KLF7: variants seen among roughly 807,000 people sequenced by gnomAD.
KLF7 encodes the protein Krueppel-like factor 7.
In KLF7, 2 loss-of-function variants were observed where a neutral mutation model predicts 27.3. The observed-to-expected ratio is 0.07, with a 90% CI of 0.03 to 0.23. The LOEUF is 0.23. Ranked by LOEUF, KLF7 falls within the 10% of genes least tolerant of loss-of-function variation. The pLI, the probability that KLF7 is intolerant of heterozygous loss-of-function variation, is 1.00. For synonymous variants in KLF7, 165 were observed against 162.4 expected (o/e 1.02, Z -0.12); for missense variants, 221 against 394.1 (o/e 0.56, Z 3.72).
At chr2:207,105,168 C>T (rs1016704708) in intron 2 of KLF7, among the ~76,000 whole-genome samples, 2 of 152,168 alleles carry the variant, frequency 1.3e-5, no homozygotes, top group Non-Finnish European at 1.5e-5. Context: ...AAAATGGAAA[C>T]CCCGAAGGCC....
At chr2:207,097,441 C>G (rs1263675926) in intron 2 of KLF7, among the ~76,000 whole-genome samples, 1 of 152,092 alleles carries the variant, frequency 6.6e-6, no homozygotes. Flanking sequence ...ACACAGGAAG[C>G]CAGAGAGAGA....
intron 2 of KLF7, among the ~76,000 whole-genome samples, chr2:207,092,098 C>CA (rs1245818200): frequency 6.6e-6 from 1 of 152,208 alleles, no homozygotes; most frequent in Non-Finnish European, 1.5e-5. Flanking sequence ...CTCCTTCCTC[C>CA]ACTCCAGATA....
chr2:207,127,009 T>A (rs2077496488), intron 1 of KLF7, among the ~76,000 whole-genome samples: 1 of 152,194 alleles, frequency 6.6e-6, no homozygotes, highest in Non-Finnish European at 1.5e-5. Context: ...GGCTCAGATC[T>A]CTTCATATTC....
intron 2 of KLF7, among the ~76,000 whole-genome samples, chr2:207,106,894 A>C (rs1190515605): frequency 6.6e-6 from 1 of 152,170 alleles, no homozygotes; most frequent in African/African-American, 2.4e-5. Flanking sequence ...AAATGCCAGC[A>C]TAATGCTGCA....
intron 1 of KLF7, among the ~76,000 whole-genome samples, chr2:207,157,147 T>C (rs370686383): frequency 1.4e-5 from 2 of 139,826 alleles, no homozygotes; most frequent in East Asian, 4.2e-4. Context: ...AAAAGTTGAC[T>C]ACCAAAACTA....
chr2:207,110,723 C>A (rs984454182), intron 2 of KLF7, among the ~76,000 whole-genome samples: 49 of 152,164 alleles, frequency 3.2e-4, no homozygotes, highest in Admixed American at 2.9e-3. Context: ...AGGGGAAAAG[C>A]GGCACATCAT....
chr2:207,093,455 A>G (rs1400781068), intron 2 of KLF7, among the ~76,000 whole-genome samples: 4 of 151,878 alleles, frequency 2.6e-5, no homozygotes, highest in Admixed American at 2.6e-4. Flanking sequence ...CTCTGCCTGG[A>G]ACACTCTTGC....
chr2:207,107,901 G>C (rs1488094787), intron 2 of KLF7, among the ~76,000 whole-genome samples: 1 of 152,214 alleles, frequency 6.6e-6, no homozygotes, highest in South Asian at 2.1e-4. Flanking sequence ...ACCTATGTTT[G>C]CACAACGTGA....
chr2:207,160,312 C>T (rs1411313559), intron 1 of KLF7, among the ~76,000 whole-genome samples: 5 of 152,136 alleles, frequency 3.3e-5, no homozygotes, highest in Non-Finnish European at 7.3e-5. Context: ...AATCTCTGCC[C>T]CTCACCCTCT....
At chr2:207,083,121 G>A (rs1224463772) in intron 3 of KLF7, among the ~76,000 whole-genome samples, 2 of 152,298 alleles carry the variant, frequency 1.3e-5, no homozygotes, top group African/African-American at 4.8e-5. Context: ...GCCTCTAAAG[G>A]GGGTTTGGTT....
At chr2:207,157,932 TTGA>T (rs1454726815) in intron 1 of KLF7, among the ~76,000 whole-genome samples, 2 of 152,188 alleles carry the variant, frequency 1.3e-5, no homozygotes, top group East Asian at 3.8e-4. Context: ...GTGGAAGAAG[TTGA>T]TGAGTTAGGG....
upstream of KLF7, chr2:207,166,268 G>A: frequency 3.6e-6 from 3 of 835,182 alleles, no homozygotes; most frequent in Non-Finnish European, 4.3e-6. Context: ...GCGGGGCTTG[G>A]CCCTGGCGGC....
At chr2:207,098,099 C>T (rs993810434) in intron 2 of KLF7, among the ~76,000 whole-genome samples, 2 of 150,564 alleles carry the variant, frequency 1.3e-5, no homozygotes, top group African/African-American at 4.9e-5. Context: ...TTTGGGGAAA[C>T]TATATTTATT....
rs2076188141 is a variant in KLF7, at chr2:207,077,082, G to A, written c.*4131C>T. 6.6e-6 allele frequency: 1 copy of A among 152,192 alleles called. No individual in the cohort carries two copies. Among genetic ancestry groups the A allele is most frequent in the Admixed American group, 6.5e-5 (1 of 15,282 alleles). 9.4% of individuals were successfully genotyped at this position (152,192 alleles called of 1,614,324 possible). A position where few individuals can be genotyped will look rare whatever the true frequency, so the allele number is the denominator to read the frequency against. On this transcript the variant is annotated 3_prime_UTR_variant, in exon 4 of 4. Coordinates refer to ENST00000309446, the MANE Select transcript of KLF7 (RefSeq NM_003709.4). ...TAAAAGCAACTCATGCAAAAGAGAA[G>A]ACAGAAGCACTTCCCACTTTTTACT...
At chr2:207,087,289 A>ATCTTATCTTCCT (rs1261260434) in intron 3 of KLF7, among the ~76,000 whole-genome samples, 8 of 152,120 alleles carry the variant, frequency 5.3e-5, no homozygotes, top group Non-Finnish European at 1.0e-4. Flanking sequence ...TGAAGATAAG[A>ATCTTATCTTCCT]GGAAAATAGC....
At chr2:207,082,666 C>A (rs906907366) in intron 3 of KLF7, among the ~76,000 whole-genome samples, 1 of 152,160 alleles carries the variant, frequency 6.6e-6, no homozygotes, top group South Asian at 2.1e-4. Context: ...CTGGATCATT[C>A]GCCTGAAACT....
chr2:207,134,525 A>C (rs1007540739), intron 1 of KLF7, among the ~76,000 whole-genome samples: 1 of 152,156 alleles, frequency 6.6e-6, no homozygotes, highest in Non-Finnish European at 1.5e-5. Context: ...TCTACTCAGA[A>C]TGCATAAAAT....
At chr2:207,167,928 T>C (rs776802648), upstream of KLF7, among the ~76,000 whole-genome samples, 3 of 152,204 alleles carry the variant, frequency 2.0e-5, no homozygotes, top group African/African-American at 7.2e-5. Context: ...TGTAAACTAA[T>C]AGGACCTTTA....
intron 3 of KLF7, among the ~76,000 whole-genome samples, chr2:207,087,135 A>C (rs1160813685): frequency 6.6e-6 from 1 of 152,218 alleles, no homozygotes; most frequent in Non-Finnish European, 1.5e-5. Flanking sequence ...GAAATGTAAT[A>C]ATAACTTGTA....
Sources: allele counts gnomAD v4.1 joint callset (sites outside exome capture counted in the v4.1 genomes callset), GRCh38; gene constraint gnomAD v4.1.1; transcripts MANE v1.5; gene names NCBI Gene and HGNC (gene_info 2026-07-23, HGNC 2026-07-21).